The following FABP6 variants were observed in gnomAD, a reference collection of about 807,000 sequenced individuals.
The protein encoded by FABP6 is fatty acid binding protein 6.
In FABP6, 13 loss-of-function variants were observed where a neutral mutation model predicts 14.9. The observed-to-expected ratio is 0.87, with a 90% CI of 0.57 to 1.39. FABP6 has a LOEUF of 1.39. Among genes scored for constraint, FABP6 ranks in the 40% most tolerant of loss-of-function variants. The pLI is 0.00. For synonymous variants in FABP6, 75 were observed against 63.6 expected, an observed-to-expected ratio of 1.18 and a Z score of -0.85; for missense variants, 161 against 167.2, an observed-to-expected ratio of 0.96 and a Z score of 0.20.
chr5:160,189,881 T>C (rs1580892894), intron 1 of FABP6, among the ~76,000 whole-genome samples: 1 of 152,204 alleles, frequency 6.6e-6, no homozygotes, highest in East Asian at 1.9e-4. Context: ...ATTTGGATGG[T>C]GTCTTGCTGG....
chr5:160,188,862 C>T (rs940822090), intron 1 of FABP6, among the ~76,000 whole-genome samples: 6 of 152,224 alleles, frequency 3.9e-5, no homozygotes, highest in Admixed American at 3.3e-4. Flanking sequence ...CCTCCCCCAT[C>T]CCCTTGGGGT....
chr5:160,220,909 G>A (rs1463932923), intron 3 of FABP6, among the ~76,000 whole-genome samples: 2 of 151,782 alleles, frequency 1.3e-5, no homozygotes, highest in Non-Finnish European at 2.9e-5. Context: ...CCAACATGGT[G>A]AAACCCCGTC....
At chr5:160,214,659 A>G (rs192508764) in intron 3 of FABP6, among the ~76,000 whole-genome samples, 1 of 152,038 alleles carries the variant, frequency 6.6e-6, no homozygotes, top group African/African-American at 2.4e-5. Flanking sequence ...AACAGTCAGA[A>G]ATTTCATCAA....
intron 3 of FABP6, among the ~76,000 whole-genome samples, chr5:160,218,389 A>C (rs1333187250): frequency 6.6e-6 from 1 of 151,402 alleles, no homozygotes; most frequent in Non-Finnish European, 1.5e-5. Flanking sequence ...CTGTGCCTAG[A>C]GTCTCTGTCT....
chr5:160,219,743 G>A (rs1760092321), intron 3 of FABP6, among the ~76,000 whole-genome samples: 1 of 152,136 alleles, frequency 6.6e-6, no homozygotes, highest in Non-Finnish European at 1.5e-5. Context: ...AGTTAAGCGG[G>A]GGCCTGGAGA....
At chr5:160,218,616 A>G (rs903942015) in intron 3 of FABP6, among the ~76,000 whole-genome samples, 5 of 151,928 alleles carry the variant, frequency 3.3e-5, no homozygotes, top group Non-Finnish European at 5.9e-5. Flanking sequence ...ACCCGCCACC[A>G]TGCCTGGCTA....
chr5:160,190,114 C>G (rs1312145373), intron 1 of FABP6, among the ~76,000 whole-genome samples: 1 of 152,208 alleles, frequency 6.6e-6, no homozygotes, highest in Non-Finnish European at 1.5e-5. Flanking sequence ...CTTGGAGTTG[C>G]TTATCTATCC....
chr5:160,191,821 A>G (rs1024147978), intron 1 of FABP6, among the ~76,000 whole-genome samples: 18 of 150,678 alleles, frequency 1.2e-4, no homozygotes, highest in Non-Finnish European at 2.1e-4. Flanking sequence ...AAAAAAAAAA[A>G]AATTAGCCAG....
intron 1 of FABP6, among the ~76,000 whole-genome samples, chr5:160,190,600 C>T (rs1212341344): frequency 3.9e-5 from 6 of 152,142 alleles, no homozygotes; most frequent in African/African-American, 1.2e-4. Flanking sequence ...TCTAGGCCTG[C>T]CTGACCCCAA....
chr5:160,197,077 G>A (rs1759525196), intron 1 of FABP6: 2 of 152,388 alleles, frequency 1.3e-5, no homozygotes, highest in African/African-American at 2.4e-5. Flanking sequence ...CAGGCCCCAC[G>A]AAGAAGCCCA....
intron 1 of FABP6, among the ~76,000 whole-genome samples, chr5:160,189,424 G>A (rs1442021593): frequency 6.6e-6 from 1 of 152,046 alleles, no homozygotes; most frequent in Non-Finnish European, 1.5e-5. Flanking sequence ...TGTATTTTTA[G>A]TAGAGATGGG....
rs1004812561 is a variant in FABP6 at position 160,236,978 on chromosome 5, C to CA, written c.334-1620dup. Among the ~76,000 whole-genome samples, 113 of 151,160 alleles carry CA rather than the reference C, an allele frequency of 7.5e-4. No individual in the cohort carries two copies. In the Middle Eastern group the frequency reaches 0.01, roughly 14 times the overall value. ...GGACAACAAGAGCAAAACTCTGTCT[C>CA]AAAAAAAATAATAATAATAATCTAA... On this transcript the variant is annotated intron_variant, in intron 3 of 3. Coordinates refer to ENST00000402432, the MANE Select transcript of FABP6 (RefSeq NM_001445.3).
rs114642544 is a variant in FABP6, at chr5:160,199,937, C to T, written c.51+780C>T. On this transcript the variant is annotated intron_variant, in intron 2 of 6. Coordinates refer to the FABP6 transcript ENST00000393980. ...GGAGGTGGCTCCACATCCCTCCCACCTACCCCAGCCAGGGGCCCTCTGACT... is the reference window on the plus strand; with the variant it reads ...GGAGGTGGCTCCACATCCCTCCCACTTACCCCAGCCAGGGGCCCTCTGACT... Among the ~76,000 whole-genome samples the T allele has an allele frequency of 6.1e-3, 923 of 152,336 alleles. 8 individuals are homozygous for T. The highest frequency in any genetic ancestry group is 0.021 in the African/African-American group (893 of 41,570).
chr5:160,228,315 C>T (rs60142392), upstream of FABP6, among the ~76,000 whole-genome samples: 13,515 of 151,826 alleles, frequency 0.089, 930 homozygotes, highest in East Asian at 0.35. Context: ...TGCTTGAACC[C>T]GGGAGGCGGA....
intron 2 of FABP6, among the ~76,000 whole-genome samples, chr5:160,201,620 G>A (rs1036761452): frequency 2.6e-5 from 4 of 152,046 alleles, no homozygotes; most frequent in South Asian, 2.1e-4. Context: ...GGAGGAGCCA[G>A]GTGGGATTCC....
At chr5:160,232,333 A>C in intron 2 of FABP6, 60 bp downstream of exon 2, 125 of 1,479,684 alleles carry the variant, frequency 8.4e-5, no homozygotes, top group Non-Finnish European at 1.0e-4. Flanking sequence ...TCTCCTTCTC[A>C]AACATGGCCT....
intron 3 of FABP6, among the ~76,000 whole-genome samples, chr5:160,220,465 C>G (rs966327570): frequency 6.6e-6 from 1 of 151,900 alleles, no homozygotes; most frequent in Non-Finnish European, 1.5e-5. Flanking sequence ...AAAAATTAGC[C>G]GTGCGTGGTG....
Position 160,232,001 on chromosome 5 carries a change from G to A in FABP6, c.68-97G>A, listed in dbSNP as rs543451332. The A allele has an allele frequency of 2.9e-6, 4 of 1,393,554 alleles. No individual in the cohort carries two copies. In the South Asian group the frequency reaches 5.5e-5, roughly 19 times the overall value. The allele number at this position is 1,393,554 out of a possible 1,614,324, so 86.3% of individuals were successfully genotyped here. A position where few individuals can be genotyped will look rare whatever the true frequency, so the allele number is the denominator to read the frequency against. ...TGCAGGCTAGCCTATCATGCACAAG[G>A]GGGTAGGGCGGTGGGGGTGGGCAGG... is the stretch of plus-strand genomic sequence containing the variant. On this transcript the variant is annotated intron_variant, in intron 1 of 3. Transcript: ENST00000402432.
At chr5:160,234,237 C>G (rs1228317440) in intron 2 of FABP6, among the ~76,000 whole-genome samples, 3 of 152,236 alleles carry the variant, frequency 2.0e-5, no homozygotes, top group Admixed American at 6.5e-5. Flanking sequence ...CAGTACTGCA[C>G]AAAACCCGCT....
Sources: allele counts gnomAD v4.1 joint callset (sites outside exome capture counted in the v4.1 genomes callset), GRCh38; gene constraint gnomAD v4.1.1; transcripts MANE v1.5; gene names NCBI Gene and HGNC (gene_info 2026-07-23, HGNC 2026-07-21).